Variants in P2RY8 observed in about 807,000 individuals in gnomAD.
P2RY8 encodes S-geranylgeranyl-glutathione receptor P2RY8.
A neutral mutation model predicts 10.0 loss-of-function variants in P2RY8; 6 were observed. The ratio of observed to expected loss-of-function variants is 0.60; its 90% CI spans 0.33 to 1.19. The LOEUF (loss-of-function observed/expected upper bound fraction) is 1.19. Among genes scored for constraint, P2RY8 ranks in the 50% most tolerant of loss-of-function variants. The pLI is 0.04. For synonymous variants in P2RY8, 276 were observed against 252.5 expected, an observed-to-expected ratio of 1.09 and a Z score of -0.88; for missense variants, 456 against 542.0, an observed-to-expected ratio of 0.84 and a Z score of 1.58.
intron 1 of P2RY8, among the ~76,000 whole-genome samples, chrX:1,480,000 T>A (rs762029371): frequency 6.6e-6 from 1 of 152,260 alleles, no homozygotes; most frequent in African/African-American, 2.4e-5. Flanking sequence ...TTAATAACCT[T>A]CCCAAACAAA....
At chrX:1,532,124 C>T (rs1251480418) in intron 1 of P2RY8, among the ~76,000 whole-genome samples, 2 of 151,874 alleles carry the variant, frequency 1.3e-5, no homozygotes, top group East Asian at 1.9e-4. Flanking sequence ...ACTCATTATA[C>T]GAAAAAGATA....
chrX:1,490,502 G>A (rs769381247), intron 1 of P2RY8, among the ~76,000 whole-genome samples: 150 of 138,346 alleles, frequency 1.1e-3, no homozygotes, highest in Middle Eastern at 4.4e-3. Flanking sequence ...TGACATCCAG[G>A]GATTCTCCAC....
intron 1 of P2RY8, among the ~76,000 whole-genome samples, chrX:1,513,212 T>G (rs186332320): frequency 0.014 from 2,091 of 151,162 alleles, 55 homozygotes; most frequent in African/African-American, 0.049. Context: ...TCCTTTTTTA[T>G]GACTGCATAG....
At chrX:1,487,631 C>T (rs1269323322) in intron 1 of P2RY8, among the ~76,000 whole-genome samples, 3 of 152,192 alleles carry the variant, frequency 2.0e-5, no homozygotes, top group Non-Finnish European at 4.4e-5. Context: ...CTGCCTGTCT[C>T]ATCCTCCCTG....
At chrX:1,535,229 C>G (rs1300089309) in intron 1 of P2RY8, among the ~76,000 whole-genome samples, 2 of 128,678 alleles carry the variant, frequency 1.6e-5, no homozygotes, top group African/African-American at 5.9e-5. Context: ...ACTCTGTCAC[C>G]CAGGCTGGAG....
intron 1 of P2RY8, among the ~76,000 whole-genome samples, chrX:1,506,510 G>A (rs1603457958): frequency 2.0e-5 from 3 of 152,152 alleles, no homozygotes. Flanking sequence ...CTGAGCTGGG[G>A]GTATCAGGAG....
intron 1 of P2RY8, among the ~76,000 whole-genome samples, chrX:1,514,648 TTTCCTCCCC>T (rs2092326673): frequency 5.0e-5 from 2 of 39,870 alleles, no homozygotes; most frequent in African/African-American, 1.3e-4. Context: ...TTCCCTTCCC[TTTCCTCCCC>T]TCCCTTCCCT....
intron 1 of P2RY8, among the ~76,000 whole-genome samples, chrX:1,531,998 G>A (rs1196216021): frequency 2.0e-5 from 3 of 152,110 alleles, no homozygotes; most frequent in Non-Finnish European, 2.9e-5. Flanking sequence ...AAGACAGTGT[G>A]GAGAGTCCTT....
intron 1 of P2RY8, among the ~76,000 whole-genome samples, chrX:1,531,098 C>CTATG (rs2092472479): frequency 1.3e-5 from 2 of 151,550 alleles, no homozygotes; most frequent in African/African-American, 4.9e-5. Context: ...ATCTATCTAT[C>CTATG]TAATTTGTCA....
intron 1 of P2RY8, among the ~76,000 whole-genome samples, chrX:1,512,051 G>C (rs1246781319): frequency 1.3e-5 from 2 of 151,974 alleles, no homozygotes; most frequent in African/African-American, 2.4e-5. Context: ...TGTAAGCAAA[G>C]AGAAGAGGCT....
At chrX:1,494,044 T>G (rs1260665550) in intron 1 of P2RY8, 1 of 152,288 alleles carries the variant, frequency 6.6e-6, no homozygotes, top group African/African-American at 2.4e-5. Flanking sequence ...GGGGTATTTC[T>G]GCAGAGCAGC....
intron 1 of P2RY8, among the ~76,000 whole-genome samples, chrX:1,480,446 A>T (rs5948909): frequency 6.6e-6 from 1 of 150,494 alleles, no homozygotes; most frequent in Non-Finnish European, 1.5e-5. Context: ...TGGGGGCAGT[A>T]GTGCAATGAC....
At chrX:1,515,390 T>G (rs780684621) in intron 1 of P2RY8, among the ~76,000 whole-genome samples, 167 of 148,602 alleles carry the variant, frequency 1.1e-3, no homozygotes, top group African/African-American at 3.8e-3. Context: ...TTTTTTTTTT[T>G]GAGACAGTTT....
At chrX:1,517,599 A>G (rs1264773179) in intron 1 of P2RY8, among the ~76,000 whole-genome samples, 1 of 152,180 alleles carries the variant, frequency 6.6e-6, no homozygotes, top group Non-Finnish European at 1.5e-5. Context: ...GAGGATCTGC[A>G]GTGAGTGAGT....
intron 1 of P2RY8, among the ~76,000 whole-genome samples, chrX:1,478,624 G>A (rs1241518857): frequency 1.3e-5 from 2 of 151,962 alleles, no homozygotes; most frequent in South Asian, 2.1e-4. Flanking sequence ...GACTACAGGC[G>A]CCTGCCACCA....
At chrX:1,503,951 T>TAGAC (rs201467650) in intron 1 of P2RY8, among the ~76,000 whole-genome samples, 3,972 of 152,142 alleles carry the variant, frequency 0.026, 155 homozygotes, top group African/African-American at 0.092. Context: ...AGGAACTGAA[T>TAGAC]AGACTGTAAT....
At position 1,465,383 on chromosome X, in the gene P2RY8, C is replaced by T; in HGVS notation, c.*96G>A. On this transcript the variant is annotated 3_prime_UTR_variant, in exon 2 of 2. Coordinates refer to ENST00000381297, the MANE Select transcript of P2RY8 (RefSeq NM_178129.5). The stretch of plus-strand genomic sequence containing the variant: ...GCCTCTGCAGTGCCTGGGAGCAACG[C>T]AGCTGTTCTCCCTGAACCTCTGGCA... 2 of 1,504,994 alleles carry T rather than the reference C, an allele frequency of 1.3e-6. No homozygotes were observed. The highest frequency in any genetic ancestry group is 1.3e-5 in the South Asian group (1 of 75,384). 93.2% of individuals were successfully genotyped at this position (1,504,994 alleles called of 1,614,324 possible).
At chrX:1,499,169 T>C (rs867170748) in intron 1 of P2RY8, among the ~76,000 whole-genome samples, 6,944 of 146,564 alleles carry the variant, frequency 0.047, 478 homozygotes, top group African/African-American at 0.15. Context: ...TTTTCTTTTT[T>C]TTTTTTTTTT....
At chrX:1,506,235 C>T (rs1447928364) in intron 1 of P2RY8, among the ~76,000 whole-genome samples, 2 of 152,020 alleles carry the variant, frequency 1.3e-5, no homozygotes, top group Non-Finnish European at 2.9e-5. Context: ...TTAGACGACC[C>T]GCCTGCCTGA....
Sources: allele counts gnomAD v4.1 joint callset (sites outside exome capture counted in the v4.1 genomes callset), GRCh38; gene constraint gnomAD v4.1.1; transcripts MANE v1.5; gene names NCBI Gene and HGNC (gene_info 2026-07-23, HGNC 2026-07-21).